ITM2C: variants seen among roughly 807,000 people sequenced by gnomAD.
The protein encoded by ITM2C is integral membrane protein 2C.
ITM2C carries 20 observed loss-of-function variants against 30.0 expected under a neutral mutation model. The ratio of observed to expected loss-of-function variants is 0.67; its 90% CI spans 0.47 to 0.97. The LOEUF is 0.97. ITM2C is among the 50% of genes least tolerant of loss of function. The pLI, the probability that ITM2C is intolerant of heterozygous loss-of-function variation, is 0.00. For synonymous variants in ITM2C, 167 were observed against 156.4 expected (o/e 1.07, Z -0.51); for missense variants, 366 against 371.9 (o/e 0.98, Z 0.13).
Position 230,873,487 on chromosome 2 carries a change from G to C in ITM2C, c.191G>C (p.Gly64Ala). 1 of 1,610,832 alleles carries C rather than the reference G, an allele frequency of 6.2e-7. No individual in the cohort carries two copies. The highest frequency in any genetic ancestry group is 8.5e-7 in the Non-Finnish European group (1 of 1,178,538). ...SVGGVCYLSM[G>A]MVVLLMGLVF... ...GGCGGCGTGTGCTACCTGTCGATGG[G>C]CATGGTCGTGCTGCTCATGGGCCTC... is the stretch of plus-strand genomic sequence containing the variant. Residue 64 changes from glycine (G) to alanine (A), a missense_variant, in exon 2 of 6, where the codon GGC becomes GCC. Transcript: ENST00000326427.
chr2:230,877,945 C>A lies in ITM2C; in HGVS notation c.713-63C>A. 7.5e-7 allele frequency: 1 copy of A among 1,335,462 alleles called. No homozygotes were observed. Among genetic ancestry groups the A allele is most frequent in the Non-Finnish European group, 1.1e-6 (1 of 929,492 alleles). 82.7% of individuals were successfully genotyped at this position (1,335,462 alleles called of 1,614,324 possible). A position where few individuals can be genotyped will look rare whatever the true frequency, so the allele number is the denominator to read the frequency against. ...GGCCCTCCTGTGGCTCAGGCTGAGG[C>A]TGGTGGTCTTTGTGACTCAGCCAGG... On this transcript the variant is annotated intron_variant, in intron 5 of 5. Coordinates refer to ENST00000326427, the MANE Select transcript of ITM2C (RefSeq NM_030926.6). The surrounding 1 kb of genome is among the most constrained non-coding windows in gnomAD (Gnocchi z 4.8).
At chr2:230,873,816 G>A (rs1159312290) in intron 2 of ITM2C, among the ~76,000 whole-genome samples, 1 of 152,148 alleles carries the variant, frequency 6.6e-6, no homozygotes, top group Non-Finnish European at 1.5e-5. Flanking sequence ...CGCCCCACAG[G>A]GTCACCCTGG....
chr2:230,869,043 T>G (rs1390070057), intron 1 of ITM2C, among the ~76,000 whole-genome samples: 2 of 152,170 alleles, frequency 1.3e-5, no homozygotes, highest in South Asian at 2.1e-4. Context: ...AGATTGCCAG[T>G]GAGGATGAGT....
chr2:230,864,923 C>T (rs960699796), upstream of ITM2C: 8 of 1,242,770 alleles, frequency 6.4e-6, no homozygotes, highest in African/African-American at 1.1e-4. The surrounding 1 kb of genome is among the most constrained non-coding windows in gnomAD (Gnocchi z 4.3). Flanking sequence ...GGGACGCGAG[C>T]GGGATCCAAA....
At chr2:230,868,683 G>T (rs1697091716) in intron 1 of ITM2C, among the ~76,000 whole-genome samples, 1 of 152,216 alleles carries the variant, frequency 6.6e-6, no homozygotes, top group Non-Finnish European at 1.5e-5. Context: ...TTCCTAGTGT[G>T]TCCTGGTCTC....
intron 1 of ITM2C, among the ~76,000 whole-genome samples, chr2:230,873,029 G>A (rs1428996898): frequency 1.3e-5 from 2 of 152,120 alleles, no homozygotes; most frequent in Admixed American, 6.5e-5. Flanking sequence ...AAGTCACCGA[G>A]GCCAGGTCGG....
At chr2:230,868,329 C>T (rs1290998700) in intron 1 of ITM2C, among the ~76,000 whole-genome samples, 2 of 151,992 alleles carry the variant, frequency 1.3e-5, no homozygotes, top group African/African-American at 2.4e-5. Flanking sequence ...TGGGCTGGAC[C>T]GGAAGCACCC....
Position 230,865,022 on chromosome 2 carries a change from A to T in ITM2C, c.-4A>T. 5 of 1,499,102 alleles carry T rather than the reference A, an allele frequency of 3.3e-6. No homozygotes were observed. Among genetic ancestry groups the T allele is most frequent in the Non-Finnish European group, 4.5e-6 (5 of 1,116,256 alleles). 92.9% of individuals were successfully genotyped at this position (1,499,102 alleles called of 1,614,324 possible). ...GCGGGGCGGACGCGCGGGCCGGCGCAGCCATGGTGAAGATTAGCTTCCAGC... is the reference window on the plus strand; with the variant it reads ...GCGGGGCGGACGCGCGGGCCGGCGCTGCCATGGTGAAGATTAGCTTCCAGC... On this transcript the variant is annotated 5_prime_UTR_variant, in exon 1 of 6. Transcript: ENST00000326427. The surrounding 1 kb of genome is among the most constrained non-coding windows in gnomAD (Gnocchi z 6.8).
intron 2 of ITM2C, among the ~76,000 whole-genome samples, chr2:230,875,395 C>T (rs966990981): frequency 3.9e-5 from 6 of 152,190 alleles, no homozygotes; most frequent in Non-Finnish European, 5.9e-5. Flanking sequence ...CTGGGAAGCG[C>T]CTTGCCCAAG....
intron 1 of ITM2C, among the ~76,000 whole-genome samples, chr2:230,869,669 C>T (rs772362935): frequency 6.6e-6 from 1 of 152,200 alleles, no homozygotes; most frequent in Non-Finnish European, 1.5e-5. Flanking sequence ...TTAATTTGGA[C>T]ATTGTTACTG....
chr2:230,878,076 A>T lies in ITM2C; in HGVS notation c.781A>T (p.Thr261Ser). 1 of 1,599,990 alleles carries T rather than the reference A, an allele frequency of 6.3e-7. No homozygotes were observed. The highest frequency in any genetic ancestry group is 1.1e-5 in the South Asian group (1 of 89,140). ...RHFENTFVVETLICGVV is the reference protein window; with the variant it reads ...RHFENTFVVESLICGVV The stretch of plus-strand genomic sequence containing the variant: ...CTTCGAGAACACCTTCGTGGTGGAG[A>T]CGCTCATCTGCGGGGTGGTGTGAGG... The change falls in exon 6 of 6, where the codon ACG becomes TCG. Residue 261 changes from threonine to serine, a missense_variant. By Grantham distance (58) the Thr-to-Ser change is moderately conservative (BLOSUM62 1). Transcript: ENST00000326427. This position sits in a 1 kb window ranked among gnomAD's most constrained non-coding sequence, Gnocchi z 4.5.
intron 1 of ITM2C, among the ~76,000 whole-genome samples, chr2:230,871,785 G>A (rs1697171950): frequency 1.3e-5 from 2 of 152,226 alleles, no homozygotes; most frequent in Non-Finnish European, 2.9e-5. Flanking sequence ...ACGCATGTCC[G>A]CAGTGAAGGG....
chr2:230,867,665 TTTA>T (rs1226259595), intron 1 of ITM2C, among the ~76,000 whole-genome samples: 4 of 47,772 alleles, frequency 8.4e-5, no homozygotes, highest in Admixed American at 5.3e-4. Context: ...TTTATTTTAT[TTTA>T]TTTTTTTTTT....
Position 230,876,838 on chromosome 2 carries a change from C to G in ITM2C, c.451-19C>G. On this transcript the variant is annotated intron_variant, in intron 3 of 5. Transcript: ENST00000326427. ...CTGTCACCTCCTGCAGAGACTGACC[C>G]AACCCCTTCTCCTGCCAGGGTCTGA... is the stretch of plus-strand genomic sequence containing the variant. The G allele has an allele frequency of 6.4e-7, 1 of 1,573,282 alleles. No individual in the cohort carries two copies. The highest frequency in any genetic ancestry group is 8.7e-7 in the Non-Finnish European group (1 of 1,143,562).
Position 230,865,312 on chromosome 2 carries a change from G to A in ITM2C, c.120+167G>A. On this transcript the variant is annotated intron_variant, in intron 1 of 5. Transcript: ENST00000326427. This position sits in a 1 kb window ranked among gnomAD's most constrained non-coding sequence, Gnocchi z 6.8. ...TTGCTTATCCCAGAATGAGGAGGGG[G>A]CTTAAGTCCCGTACTAAAGCGGCAG... The A allele has an allele frequency of 1.5e-6, 1 of 684,466 alleles. No homozygotes were observed. 42.4% of individuals were successfully genotyped at this position (684,466 alleles called of 1,614,324 possible).
Position 230,865,084 on chromosome 2 carries a change from A to C in ITM2C, c.59A>C (p.Lys20Thr), listed in dbSNP as rs1696990666. 1 of 1,535,316 alleles carries C rather than the reference A, an allele frequency of 6.5e-7. No homozygotes were observed. Among genetic ancestry groups the C allele is most frequent in the African/African-American group, 1.4e-5 (1 of 70,828 alleles). The change falls in exon 1 of 6, where the codon AAG (lysine) becomes ACG (threonine). Residue 20 changes from lysine to threonine, a missense_variant. Coordinates refer to ENST00000326427, the MANE Select transcript of ITM2C (RefSeq NM_030926.6). The surrounding 1 kb of genome is among the most constrained non-coding windows in gnomAD (Gnocchi z 6.8). ...VAGIKGDKAD[K>T]ASASAPAPAS... ...GGCATCAAGGGCGACAAGGCTGACA[A>C]GGCGTCGGCGTCGGCCCCTGCGCCG...
chr2:230,865,996 C>T lies in ITM2C; in HGVS notation c.120+851C>T, dbSNP rs1251464945. Among the ~76,000 whole-genome samples, 11 of 152,074 alleles carry T rather than the reference C, an allele frequency of 7.2e-5. No homozygotes were observed. ...CATCCCCCTCCCCTACCCCGGCTTCCTCCACTTTCCCTCTGGCCGGGGGGG... is the reference window on the plus strand; with the variant it reads ...CATCCCCCTCCCCTACCCCGGCTTCTTCCACTTTCCCTCTGGCCGGGGGGG... On this transcript the variant is annotated intron_variant, in intron 1 of 5. Transcript: ENST00000326427. The surrounding 1 kb of genome is among the most constrained non-coding windows in gnomAD (Gnocchi z 6.8).
At chr2:230,870,979 A>T (rs1204017009) in intron 1 of ITM2C, among the ~76,000 whole-genome samples, 2 of 152,152 alleles carry the variant, frequency 1.3e-5, no homozygotes, top group African/African-American at 4.8e-5. Flanking sequence ...CAGCCTCAAC[A>T]GCTGTCCACA....
At position 230,877,169 on chromosome 2, in the gene ITM2C, G is replaced by A. The variant is rs968582930; in HGVS notation, c.561+202G>A. 2.6e-5 allele frequency among the ~76,000 whole-genome samples: 4 copies of A among 152,172 alleles called. No individual in the cohort carries two copies. The highest frequency in any genetic ancestry group is 4.4e-5 in the Non-Finnish European group (3 of 68,024). ...TCCACATCTCCAGAGTCAATGCCCC[G>A]AGACCGGCTTCCTTAGTGTTCAAGG... On this transcript the variant is annotated intron_variant, in intron 4 of 5. Coordinates refer to ENST00000326427, the MANE Select transcript of ITM2C (RefSeq NM_030926.6). The surrounding 1 kb of genome is among the most constrained non-coding windows in gnomAD (Gnocchi z 4.8).
Sources: gnomAD v4.1 joint callset for allele counts (sites outside exome capture counted in the v4.1 genomes callset) on GRCh38, gnomAD v4.1.1 for gene constraint, Gnocchi (gnomAD v3.1) non-coding constraint, MANE v1.5 for transcripts, NCBI Gene and HGNC (gene_info 2026-07-23, HGNC 2026-07-21) for gene names.